Variants in RPL27A observed in about 807,000 individuals in gnomAD.
RPL27A encodes large ribosomal subunit protein uL15.
For missense variants in RPL27A, 118 were observed against 189.4 expected (o/e 0.62, Z 2.21); for synonymous variants, 69 against 68.3 (o/e 1.01, Z -0.05).
Position 8,686,085 on chromosome 11 carries a change from T to C in RPL27A, c.*279T>C. The C allele has an allele frequency of 2.9e-6, 1 of 349,208 alleles. No homozygotes were observed. Among genetic ancestry groups the C allele is most frequent in the East Asian group, 5.5e-5 (1 of 18,286 alleles). 21.6% of individuals were successfully genotyped at this position (349,208 alleles called of 1,614,324 possible). A position where few individuals can be genotyped will look rare whatever the true frequency, so the allele number is the denominator to read the frequency against. On this transcript the variant is annotated 3_prime_UTR_variant, in exon 5 of 5. Transcript: ENST00000314138. The stretch of plus-strand genomic sequence containing the variant: ...ATGTATTGTACTCTGAATTTTACAG[T>C]GAATGAGAGAATGTACCCTAATTGT...
intron 4 of RPL27A, chr11:8,685,114 T>G (rs2039574059): frequency 1.7e-6 from 1 of 586,242 alleles, no homozygotes; most frequent in Admixed American, 2.9e-5. Context: ...ATAGCTGGTT[T>G]TCACTGAGCA....
Position 8,685,685 on chromosome 11 carries a change from A to C in RPL27A, c.326A>C (p.Tyr109Ser). The C allele has an allele frequency of 6.2e-7, 1 of 1,614,174 alleles. No individual in the cohort carries two copies. Among genetic ancestry groups the C allele is most frequent in the Non-Finnish European group, 8.5e-7 (1 of 1,179,992 alleles). ...TTTTCTCTGTTCTTCTAGGGCTACTACAAAGTTCTGGGAAAGGGAAAGCTC... is the reference window on the plus strand; with the variant it reads ...TTTTCTCTGTTCTTCTAGGGCTACTCCAAAGTTCTGGGAAAGGGAAAGCTC... ...PIIDVVRSGYYKVLGKGKLPK... is the reference protein window; with the variant it reads ...PIIDVVRSGYSKVLGKGKLPK... The change falls in exon 5 of 5, where the codon TAC becomes TCC. Residue 109 changes from tyrosine to serine, a missense_variant. By Grantham distance (144) the Tyr-to-Ser change is moderately radical (BLOSUM62 -2). Coordinates refer to ENST00000314138, the MANE Select transcript of RPL27A (RefSeq NM_000990.5).
intron 1 of RPL27A, 118 bp downstream of exon 1, chr11:8,682,934 C>G (rs906451836): frequency 4.4e-6 from 6 of 1,357,018 alleles, no homozygotes; most frequent in Non-Finnish European, 6.1e-6. Context: ...TGCGCATGGC[C>G]GCCTGCGGGG....
intron 3 of RPL27A, 60 bp downstream of exon 3, chr11:8,684,141 C>A: frequency 7.2e-7 from 1 of 1,398,600 alleles, no homozygotes. Flanking sequence ...AGAGAGAGGG[C>A]TGGCTTAAAC....
At chr11:8,683,434 T>G (rs2039531556) in intron 2 of RPL27A, 169 bp downstream of exon 2, 1 of 627,068 alleles carries the variant, frequency 1.6e-6, no homozygotes, top group African/African-American at 1.8e-5. Context: ...CTAAGGAATT[T>G]CACATCAGTG....
In RPL27A at chr11:8,689,645, A is replaced by T. The variant is rs1247501425; in HGVS notation, c.*3839A>T. On this transcript the variant is annotated 3_prime_UTR_variant, in exon 5 of 5. Coordinates refer to ENST00000314138, the MANE Select transcript of RPL27A (RefSeq NM_000990.5). ...AAATTTGTTTTGGAATGCATACCAC[A>T]TCATCTGGCTCTAGAAACGTATTTT... The T allele has an allele frequency of 1.3e-5, 2 of 152,188 alleles. No homozygotes were observed. The highest frequency in any genetic ancestry group is 2.4e-5 in the African/African-American group (1 of 41,448). 9.4% of individuals were successfully genotyped at this position (152,188 alleles called of 1,614,324 possible). A position where few individuals can be genotyped will look rare whatever the true frequency, so the allele number is the denominator to read the frequency against.
chr11:8,683,772 G>A (rs1324622000), intron 2 of RPL27A: 1 of 552,458 alleles, frequency 1.8e-6, no homozygotes, highest in Non-Finnish European at 3.3e-6. Context: ...CTGCCTGCCG[G>A]GCTCAAGCGA....
chr11:8,683,642 G>A (rs1216491741), intron 2 of RPL27A: 1 of 476,920 alleles, frequency 2.1e-6, no homozygotes, highest in East Asian at 4.1e-5. Flanking sequence ...TTTTGTGCGA[G>A]GAAGTATTGA....
intron 2 of RPL27A, 75 bp downstream of exon 2, chr11:8,683,340 TATA>T (rs2133611168): frequency 7.7e-7 from 1 of 1,303,200 alleles, no homozygotes; most frequent in Non-Finnish European, 1.1e-6. Flanking sequence ...ATCGGTAGCC[TATA>T]AGTGGGTTAG....
intron 4 of RPL27A, chr11:8,685,141 A>G: frequency 3.6e-6 from 2 of 551,864 alleles, no homozygotes; most frequent in Non-Finnish European, 6.5e-6. Flanking sequence ...TTGGCCCTTC[A>G]TGTTCTCCAG....
chr11:8,685,605 G>A (rs1328078512), intron 4 of RPL27A, 73 bp from the exon 5 acceptor site: 2 of 1,558,970 alleles, frequency 1.3e-6, no homozygotes, highest in Admixed American at 1.7e-5. Flanking sequence ...TGGGTTGGCA[G>A]TCTTTCCTCA....
rs774438707 is a variant in RPL27A at position 8,689,514 on chromosome 11, GAAA to G, written c.*3719_*3721del. The G allele has an allele frequency of 3.7e-5, 5 of 134,772 alleles. No homozygotes were observed. Among genetic ancestry groups the G allele is most frequent in the African/African-American group, 8.2e-5 (3 of 36,450 alleles). The allele number at this position is 134,772 out of a possible 1,614,324, so 8.3% of individuals were successfully genotyped here. On this transcript the variant is annotated 3_prime_UTR_variant, in exon 5 of 5. Coordinates refer to ENST00000314138, the MANE Select transcript of RPL27A (RefSeq NM_000990.5). ...TATAAATGGAGCGAAAGTATCTTGAGAAAAAAAAAAAAACTACCAGAACTTGCC... is the reference window on the plus strand; with the variant it reads ...TATAAATGGAGCGAAAGTATCTTGAGAAAAAAAAAACTACCAGAACTTGCC...
intron 4 of RPL27A, chr11:8,685,217 C>G: frequency 2.3e-6 from 1 of 439,982 alleles, no homozygotes; most frequent in Non-Finnish European, 4.2e-6. Flanking sequence ...GATTTTCCCC[C>G]AAAACAGATG....
At position 8,686,665 on chromosome 11, in the gene RPL27A, T is replaced by C. The variant is rs1297631167; in HGVS notation, c.*859T>C. 6.6e-6 allele frequency: 1 copy of C among 152,244 alleles called. No individual in the cohort carries two copies. Among genetic ancestry groups the C allele is most frequent in the South Asian group, 2.1e-4 (1 of 4,838 alleles). The allele number at this position is 152,244 out of a possible 1,614,324, so 9.4% of individuals were successfully genotyped here. ...TATGTCAAAGTGGGTTTGAAATAGT[T>C]AATTTTTCTTCTAGTCTGAAATGTA... On this transcript the variant is annotated 3_prime_UTR_variant, in exon 5 of 5. Transcript: ENST00000314138.
intron 3 of RPL27A, 59 bp from the exon 4 acceptor site, chr11:8,684,659 A>C: frequency 6.9e-7 from 1 of 1,456,488 alleles, no homozygotes; most frequent in South Asian, 1.2e-5. Flanking sequence ...AACTATAAAG[A>C]TGATAAACAT....
rs968630474 is a variant in RPL27A, at chr11:8,688,327, T to C, written c.*2521T>C. The C allele has an allele frequency of 6.6e-6, 1 of 152,188 alleles. No individual in the cohort carries two copies. The highest frequency in any genetic ancestry group is 1.5e-5 in the Non-Finnish European group (1 of 68,040). The allele number at this position is 152,188 out of a possible 1,614,324, so 9.4% of individuals were successfully genotyped here. On this transcript the variant is annotated 3_prime_UTR_variant, in exon 5 of 5. Coordinates refer to ENST00000314138, the MANE Select transcript of RPL27A (RefSeq NM_000990.5). ...GGCTACCTTCTTCCCCAGGAGTTGT[T>C]AGGCCATCCGATCCCCTGGCCTGGG... is the stretch of plus-strand genomic sequence containing the variant.
rs762586682 is a variant in RPL27A at position 8,684,025 on chromosome 11, C to T, written c.87C>T (p.Pro29=). ...CTGCAGGCAAGCACCGGAAGCACCC[C>T]GGCGGCCGCGGTAATGCTGGTGGTC... The part of the protein sequence containing the change: ...HGRIGKHRKH[P]GGRGNAGGLH... The change falls in exon 3 of 5, where the codon CCC becomes CCT. Residue 29 remains proline (P), a synonymous_variant. Coordinates refer to ENST00000314138, the MANE Select transcript of RPL27A (RefSeq NM_000990.5). 3.1e-6 allele frequency: 5 copies of T among 1,612,818 alleles called. No individual in the cohort carries two copies. The East Asian group carries it at 8.9e-5, about 29-fold the overall frequency.
At position 8,687,154 on chromosome 11, in the gene RPL27A, T is replaced by G. The variant is rs1018366794; in HGVS notation, c.*1348T>G. 6.6e-6 allele frequency: 1 copy of G among 152,270 alleles called. No homozygotes were observed. The highest frequency in any genetic ancestry group is 1.5e-5 in the Non-Finnish European group (1 of 68,050). The allele number at this position is 152,270 out of a possible 1,614,324, so 9.4% of individuals were successfully genotyped here. A position where few individuals can be genotyped will look rare whatever the true frequency, so the allele number is the denominator to read the frequency against. On this transcript the variant is annotated 3_prime_UTR_variant, in exon 5 of 5. Transcript: ENST00000314138. ...ATTTTAAACAAATGTATCATTTGGC[T>G]TGTATCTTCTGTTGTGCTGGAGAAG...
At chr11:8,684,303 T>C (rs759570334) in intron 3 of RPL27A, 1 of 751,260 alleles carries the variant, frequency 1.3e-6, no homozygotes, top group Admixed American at 1.7e-5. Context: ...CTGCTGACCT[T>C]ATTCACTGGC....
Sources: allele counts gnomAD v4.1 joint callset, GRCh38; gene constraint gnomAD v4.1.1; transcripts MANE v1.5; gene names NCBI Gene and HGNC (gene_info 2026-07-23, HGNC 2026-07-21).